TAFA2: variants seen among roughly 807,000 people sequenced by gnomAD.
The protein encoded by TAFA2 is chemokine-like protein TAFA-2.
Under a neutral mutation model 18.8 loss-of-function variants are expected in TAFA2, and 7 were observed. The observed-to-expected ratio is 0.37, with a 90% CI of 0.21 to 0.70. The LOEUF (loss-of-function observed/expected upper bound fraction) is 0.70, where lower values mean the gene tolerates loss of function less well. Ranked by LOEUF, TAFA2 falls within the 30% of genes least tolerant of loss-of-function variation. The probability of loss-of-function intolerance (pLI) is 0.53; values close to 1 mark genes in which losing one functional copy is unlikely to be tolerated. For missense variants in TAFA2, 122 were observed against 158.1 expected (o/e 0.77, Z 1.23); for synonymous variants, 60 against 54.2 (o/e 1.11, Z -0.47).
rs1418656585 is a variant in TAFA2, at chr12:61,945,074, G to A, written c.-1-77648C>T. Among the ~76,000 whole-genome samples the A allele has an allele frequency of 7.7e-5, 11 of 142,042 alleles. No homozygotes were observed. In the East Asian group the frequency reaches 8.4e-4, roughly 11 times the overall value. The allele number at this position is 142,042 out of a possible 152,430, so 93.2% of individuals were successfully genotyped here. A position where few individuals can be genotyped will look rare whatever the true frequency, so the allele number is the denominator to read the frequency against. On this transcript the variant is annotated intron_variant, in intron 1 of 4. Transcript: ENST00000416284. ...ATCCTCAATAAAATACTGGCAAACC[G>A]AATCCAGCAGCACATCAAAAAGCTT...
intron 1 of TAFA2, among the ~76,000 whole-genome samples, chr12:62,187,813 T>C (rs931799182): frequency 4.6e-5 from 7 of 152,312 alleles, no homozygotes; most frequent in African/African-American, 4.8e-5. Flanking sequence ...CTGTTTCAGA[T>C]TGTGCTCCGA....
intron 1 of TAFA2, among the ~76,000 whole-genome samples, chr12:61,909,106 G>C (rs1380545593): frequency 6.6e-6 from 1 of 152,132 alleles, no homozygotes; most frequent in African/African-American, 2.4e-5. Context: ...AATCTAGAGA[G>C]AAAGGCATCC....
chr12:61,886,645 G>A (rs1389831539), intron 1 of TAFA2, among the ~76,000 whole-genome samples: 2 of 152,166 alleles, frequency 1.3e-5, no homozygotes, highest in Non-Finnish European at 2.9e-5. Context: ...CCACATCTGT[G>A]TCCACTTGCT....
chr12:62,047,560 T>G (rs1037187605), intron 1 of TAFA2, among the ~76,000 whole-genome samples: 2 of 152,164 alleles, frequency 1.3e-5, no homozygotes, highest in African/African-American at 4.8e-5. Flanking sequence ...ACTGTTAAGG[T>G]TTACTAATTT....
chr12:61,755,093 A>T, intron 2 of TAFA2, 69 bp from the exon 3 acceptor site: 1 of 1,489,216 alleles, frequency 6.7e-7, no homozygotes, highest in Non-Finnish European at 9.2e-7. Flanking sequence ...CTTCTTTTTA[A>T]TTAGCAGTAC....
At chr12:62,011,647 G>A (rs1190206369) in intron 1 of TAFA2, among the ~76,000 whole-genome samples, 2 of 150,980 alleles carry the variant, frequency 1.3e-5, no homozygotes, top group African/African-American at 2.4e-5. Context: ...GAAAACCAGA[G>A]ACCTATGTTC....
intron 1 of TAFA2, among the ~76,000 whole-genome samples, chr12:61,927,715 C>A (rs558119346): frequency 6.6e-6 from 1 of 152,196 alleles, no homozygotes; most frequent in Admixed American, 6.5e-5. Context: ...CAATCCTAAC[C>A]AAAAAGAACA....
intron 4 of TAFA2, among the ~76,000 whole-genome samples, chr12:61,737,810 T>G (rs1868329117): frequency 6.6e-6 from 1 of 152,050 alleles, no homozygotes; most frequent in African/African-American, 2.4e-5. Flanking sequence ...ATCTAATTAT[T>G]TAATAAATAA....
chr12:61,984,351 T>A (rs1006075163), intron 1 of TAFA2, among the ~76,000 whole-genome samples: 2 of 152,238 alleles, frequency 1.3e-5, no homozygotes, highest in African/African-American at 4.8e-5. Context: ...AGCTGTAGAA[T>A]GTGCAGGAGA....
chr12:62,057,525 T>C (rs1016999489), intron 1 of TAFA2, among the ~76,000 whole-genome samples: 1 of 152,118 alleles, frequency 6.6e-6, no homozygotes. Context: ...TCTATACTGT[T>C]GGTTTTTCTT....
chr12:62,251,261 A>G (rs2062912374), intron 1 of TAFA2, among the ~76,000 whole-genome samples: 2 of 152,232 alleles, frequency 1.3e-5, no homozygotes, highest in African/African-American at 4.8e-5. Context: ...ATGCAGATCT[A>G]GTAAACTTGT....
chr12:61,954,765 A>ATGTGAGTG (rs1222316280), intron 1 of TAFA2, among the ~76,000 whole-genome samples: 4 of 152,216 alleles, frequency 2.6e-5, no homozygotes, highest in Admixed American at 1.3e-4. Context: ...AAACTCATGT[A>ATGTGAGTG]TGTGAGTGAT....
intron 1 of TAFA2, among the ~76,000 whole-genome samples, chr12:61,990,156 GA>G (rs1189479196): frequency 6.6e-6 from 1 of 151,480 alleles, no homozygotes; most frequent in Non-Finnish European, 1.5e-5. Flanking sequence ...AAAAAATAAG[GA>G]AAAAAAATTC....
intron 1 of TAFA2, chr12:62,021,932 A>G (rs1336957430): frequency 3.7e-5 from 27 of 727,838 alleles, no homozygotes; most frequent in South Asian, 2.8e-4. Context: ...ATGAATTGCA[A>G]CACACCATGG....
intron 1 of TAFA2, among the ~76,000 whole-genome samples, chr12:62,050,838 C>A (rs1169978587): frequency 6.6e-6 from 1 of 152,136 alleles, no homozygotes; most frequent in African/African-American, 2.4e-5. Context: ...GTATTTACAC[C>A]ATAGGAACTG....
intron 1 of TAFA2, among the ~76,000 whole-genome samples, chr12:62,157,826 G>A (rs974083404): frequency 1.3e-5 from 2 of 152,064 alleles, no homozygotes; most frequent in African/African-American, 4.8e-5. Context: ...TCTTAACTGG[G>A]TTTATTTGTG....
chr12:62,172,330 A>G (rs1032044971), intron 1 of TAFA2, among the ~76,000 whole-genome samples: 11 of 152,184 alleles, frequency 7.2e-5, no homozygotes, highest in African/African-American at 2.7e-4. Context: ...GGATCATATA[A>G]TCTAATGACT....
intron 2 of TAFA2, among the ~76,000 whole-genome samples, chr12:61,857,196 A>T (rs904389649): frequency 1.3e-5 from 2 of 149,066 alleles, no homozygotes; most frequent in Non-Finnish European, 3.0e-5. Flanking sequence ...GTTATATAAG[A>T]GTCTCAAATT....
In TAFA2 at chr12:61,756,605, G is replaced by A. The variant is rs1172731089; in HGVS notation, c.107-1581C>T. ...GACACAATCTGTTCCTGCCCTCAAA[G>A]AGCTTATGTTTCTGAGGAGAAAACA... On this transcript the variant is annotated intron_variant, in intron 2 of 4. Coordinates refer to ENST00000416284, the MANE Select transcript of TAFA2 (RefSeq NM_178539.5). 2.6e-5 allele frequency among the ~76,000 whole-genome samples: 4 copies of A among 152,030 alleles called. No homozygotes were observed. The East Asian group carries it at 7.8e-4, about 30-fold the overall frequency.
Sources: gnomAD v4.1 joint callset for allele counts (sites outside exome capture counted in the v4.1 genomes callset) on GRCh38, gnomAD v4.1.1 for gene constraint, MANE v1.5 for transcripts, NCBI Gene and HGNC (gene_info 2026-07-23, HGNC 2026-07-21) for gene names.